The following RAB7A variants were observed in gnomAD, a reference collection of about 807,000 sequenced individuals.
The protein encoded by RAB7A is ras-related protein Rab-7a.
RAB7A carries 2 observed loss-of-function variants against 24.5 expected under a neutral mutation model. The ratio of observed to expected loss-of-function variants is 0.08; its 90% CI spans 0.03 to 0.26. The LOEUF (loss-of-function observed/expected upper bound fraction) is 0.26. Among genes scored for constraint, RAB7A ranks in the 10% least tolerant of loss-of-function variants. The probability of loss-of-function intolerance (pLI) is 1.00; values close to 1 mark genes in which losing one functional copy is unlikely to be tolerated. For missense variants in RAB7A, 118 were observed against 255.7 expected (o/e 0.46, Z 3.67); for synonymous variants, 100 against 95.9 (o/e 1.04, Z -0.25).
chr3:128,759,938 G>C (rs750616182), intron 1 of RAB7A, among the ~76,000 whole-genome samples: 5 of 152,142 alleles, frequency 3.3e-5, no homozygotes, highest in Non-Finnish European at 5.9e-5. Context: ...TCTAACTCCC[G>C]ACCTCAGGTG....
chr3:128,804,453 CTT>C (rs1188591870), intron 3 of RAB7A, among the ~76,000 whole-genome samples: 1 of 152,176 alleles, frequency 6.6e-6, no homozygotes, highest in African/African-American at 2.4e-5. Context: ...GGTGATCTCT[CTT>C]GATTTCTATC....
intron 2 of RAB7A, 91 bp downstream of exon 2, chr3:128,795,511 C>A: frequency 2.4e-6 from 3 of 1,226,862 alleles, no homozygotes; most frequent in Non-Finnish European, 3.6e-6. Context: ...CCACTTCTTG[C>A]TTTCATAGTG....
chr3:128,764,144 G>A (rs575932285), intron 1 of RAB7A, among the ~76,000 whole-genome samples: 48 of 152,100 alleles, frequency 3.2e-4, no homozygotes, highest in African/African-American at 6.5e-4. Context: ...CCCATTTAGC[G>A]GGGCTGGAAA....
chr3:128,727,697 A>G (rs1370821556), intron 1 of RAB7A, among the ~76,000 whole-genome samples: 1 of 152,184 alleles, frequency 6.6e-6, no homozygotes, highest in Non-Finnish European at 1.5e-5. Context: ...GTTCTTCCCT[A>G]TTCAAAATAC....
At chr3:128,752,373 A>G (rs1356361149) in intron 1 of RAB7A, among the ~76,000 whole-genome samples, 1 of 152,194 alleles carries the variant, frequency 6.6e-6, no homozygotes, top group African/African-American at 2.4e-5. Context: ...TAAGAATTTA[A>G]AAAGTGGGAC....
intron 1 of RAB7A, among the ~76,000 whole-genome samples, chr3:128,772,334 G>A (rs887523666): frequency 4.6e-5 from 7 of 152,128 alleles, no homozygotes; most frequent in African/African-American, 1.7e-4. Context: ...TCTAAATATT[G>A]CAGTTTCCCA....
At chr3:128,785,429 C>A (rs1409065210) in intron 1 of RAB7A, 1 of 152,120 alleles carries the variant, frequency 6.6e-6, no homozygotes, top group African/African-American at 2.4e-5. Context: ...ACCTGGACAA[C>A]ACAGTGAAAC....
chr3:128,807,875 T>G (rs1396253516), intron 5 of RAB7A, among the ~76,000 whole-genome samples: 2 of 152,222 alleles, frequency 1.3e-5, no homozygotes, highest in African/African-American at 2.4e-5. Flanking sequence ...ATATAAAAGA[T>G]GCAGAGGCTG....
At chr3:128,794,820 G>C (rs1195183537) in intron 1 of RAB7A, among the ~76,000 whole-genome samples, 1 of 151,982 alleles carries the variant, frequency 6.6e-6, no homozygotes, top group African/African-American at 2.4e-5. Flanking sequence ...TTGGCATTGA[G>C]TATACAGTGG....
chr3:128,786,691 A>G (rs1933349568), intron 1 of RAB7A, among the ~76,000 whole-genome samples: 1 of 152,218 alleles, frequency 6.6e-6, no homozygotes, highest in South Asian at 2.1e-4. Flanking sequence ...TCATATGTGC[A>G]ATAAGTCACA....
intron 3 of RAB7A, among the ~76,000 whole-genome samples, chr3:128,803,678 G>A (rs1933743952): frequency 1.3e-5 from 2 of 152,188 alleles, no homozygotes; most frequent in South Asian, 2.1e-4. Context: ...AACTAAGTGA[G>A]TCTATTAAAG....
At chr3:128,783,325 G>A (rs78574959) in intron 1 of RAB7A, among the ~76,000 whole-genome samples, 5,362 of 151,338 alleles carry the variant, frequency 0.035, 154 homozygotes, top group African/African-American at 0.081. Flanking sequence ...TTTTCAAAAA[G>A]GTGTCTGGGC....
intron 1 of RAB7A, among the ~76,000 whole-genome samples, chr3:128,753,276 T>C (rs1202644679): frequency 1.3e-5 from 2 of 151,952 alleles, no homozygotes; most frequent in Admixed American, 6.6e-5. Context: ...AAAACAAATA[T>C]TGCATGTTCT....
chr3:128,767,555 TG>T (rs1187797275), intron 1 of RAB7A, among the ~76,000 whole-genome samples: 1 of 152,178 alleles, frequency 6.6e-6, no homozygotes, highest in Non-Finnish European at 1.5e-5. Flanking sequence ...TTTGTATGGC[TG>T]GGGCTAAACC....
rs527763886 is a variant in RAB7A at position 128,745,425 on chromosome 3, A to C, written c.-9+19066A>C. Among the ~76,000 whole-genome samples the C allele has an allele frequency of 2.0e-3, 307 of 152,026 alleles. 3 individuals carry two copies. Among genetic ancestry groups the C allele is most frequent in the Non-Finnish European group, 2.9e-3 (199 of 67,946 alleles). On this transcript the variant is annotated intron_variant, in intron 1 of 5. Coordinates refer to ENST00000265062, the MANE Select transcript of RAB7A (RefSeq NM_004637.6). ...GTTGCCCAGGCTGGAGTGCAGTGGC[A>C]TGATCTCAGCTCACTGCAGCCTCTG...
intron 1 of RAB7A, among the ~76,000 whole-genome samples, chr3:128,791,175 C>T (rs1933445550): frequency 6.6e-6 from 1 of 151,654 alleles, no homozygotes; most frequent in African/African-American, 2.4e-5. Context: ...CAATTTTGCT[C>T]TTGTTGCCCA....
intron 1 of RAB7A, among the ~76,000 whole-genome samples, chr3:128,763,209 T>TATATATATATATATATA (rs1553718917): frequency 1.6e-5 from 1 of 62,340 alleles, no homozygotes; most frequent in African/African-American, 1.1e-4. Context: ...TATATATATA[T>TATATATATATATATATA]TTTTTTTTTT....
At chr3:128,798,392 G>C (rs1291684656) in intron 3 of RAB7A, 1 of 328,248 alleles carries the variant, frequency 3.0e-6, no homozygotes. Context: ...TCTCTGTCTT[G>C]TGCCTCTCTT....
At chr3:128,794,725 C>T (rs1933530819) in intron 1 of RAB7A, among the ~76,000 whole-genome samples, 1 of 151,966 alleles carries the variant, frequency 6.6e-6, no homozygotes, top group African/African-American at 2.4e-5. Context: ...GACAAGGCTG[C>T]CTGAAAGATT....
Sources: allele counts gnomAD v4.1 joint callset (sites outside exome capture counted in the v4.1 genomes callset), GRCh38; gene constraint gnomAD v4.1.1; transcripts MANE v1.5; gene names NCBI Gene and HGNC (gene_info 2026-07-23, HGNC 2026-07-21).